GMDS: variants seen among roughly 807,000 people sequenced by gnomAD.
GMDS encodes the protein GDP-mannose 4,6 dehydratase.
Under a neutral mutation model 49.9 loss-of-function variants are expected in GMDS, and 20 were observed. That is an observed-to-expected ratio of 0.40 (90% confidence interval 0.28 to 0.58). The LOEUF is 0.58. Ranked by LOEUF, GMDS falls within the 20% of genes least tolerant of loss-of-function variation. GMDS has a pLI of 0.42. For synonymous variants in GMDS, 177 were observed against 178.6 expected (o/e 0.99, Z 0.07); for missense variants, 362 against 481.4 (o/e 0.75, Z 2.32).
At chr6:1,717,402 G>A (rs529658804) in intron 9 of GMDS, 1 of 152,372 alleles carries the variant, frequency 6.6e-6, no homozygotes, top group African/African-American at 2.4e-5. Flanking sequence ...ATAGCCTGAT[G>A]TCTTCCTTGG....
In GMDS at chr6:2,050,283, T is replaced by C. The variant is rs114900175; in HGVS notation, c.345+65488A>G. ...AATAAACTGGAACATGTAGAAGAAA[T>C]AGCATAAATTCCTGGACACATACAC... On this transcript the variant is annotated intron_variant, in intron 4 of 10. Coordinates refer to ENST00000380815, the MANE Select transcript of GMDS (RefSeq NM_001500.4). Among the ~76,000 whole-genome samples the C allele has an allele frequency of 2.1e-3, 322 of 152,052 alleles. 1 individual carries two copies. Among genetic ancestry groups the C allele is most frequent in the Non-Finnish European group, 3.7e-3 (253 of 67,974 alleles).
chr6:1,802,189 A>G (rs1024776409), intron 7 of GMDS, among the ~76,000 whole-genome samples: 1 of 152,242 alleles, frequency 6.6e-6, no homozygotes, highest in Non-Finnish European at 1.5e-5. Context: ...CAACAGAGGT[A>G]CAAGTCTTCA....
intron 1 of GMDS, among the ~76,000 whole-genome samples, chr6:2,148,698 G>C (rs1776696015): frequency 6.6e-6 from 1 of 152,214 alleles, no homozygotes; most frequent in Admixed American, 6.5e-5. Context: ...GGGATTACAG[G>C]CATGAACCAC....
At chr6:2,058,699 A>G (rs1161208933) in intron 4 of GMDS, among the ~76,000 whole-genome samples, 3 of 152,208 alleles carry the variant, frequency 2.0e-5, no homozygotes, top group Non-Finnish European at 4.4e-5. Flanking sequence ...GCAGAGATCA[A>G]CGGAGTCAAG....
chr6:1,885,924 G>A (rs1759581894), intron 7 of GMDS, among the ~76,000 whole-genome samples: 2 of 152,168 alleles, frequency 1.3e-5, no homozygotes, highest in African/African-American at 2.4e-5. Flanking sequence ...CAGACTGAGT[G>A]GTTCCCAGAC....
At chr6:2,133,281 G>A (rs1390229691) in intron 1 of GMDS, among the ~76,000 whole-genome samples, 5 of 152,298 alleles carry the variant, frequency 3.3e-5, no homozygotes, top group African/African-American at 1.2e-4. Flanking sequence ...GTTTCCTTGT[G>A]CATTTCTTTT....
At chr6:1,981,999 C>T (rs1303584877) in intron 4 of GMDS, among the ~76,000 whole-genome samples, 1 of 152,140 alleles carries the variant, frequency 6.6e-6, no homozygotes, top group African/African-American at 2.4e-5. Context: ...TCTCAGTAAA[C>T]TAGGTATTAA....
chr6:1,957,099 G>A (rs571204502), intron 6 of GMDS, among the ~76,000 whole-genome samples: 19 of 152,078 alleles, frequency 1.2e-4, no homozygotes, highest in East Asian at 5.8e-4. Context: ...CATCGCGCCC[G>A]GCCCATTTAT....
At chr6:1,993,555 T>C (rs746619720) in intron 4 of GMDS, among the ~76,000 whole-genome samples, 3 of 152,190 alleles carry the variant, frequency 2.0e-5, no homozygotes, top group Non-Finnish European at 4.4e-5. Flanking sequence ...TAAAAGATGA[T>C]CCTCAGGCAA....
intron 9 of GMDS, among the ~76,000 whole-genome samples, chr6:1,644,014 C>CCA (rs1478514521): frequency 2.6e-5 from 4 of 152,150 alleles, no homozygotes; most frequent in Non-Finnish European, 5.9e-5. Context: ...CCCGTTGTCC[C>CCA]CAGACACCTC....
intron 9 of GMDS, among the ~76,000 whole-genome samples, chr6:1,668,216 C>A (rs2113271294): frequency 6.6e-6 from 1 of 152,222 alleles, no homozygotes; most frequent in South Asian, 2.1e-4. Flanking sequence ...TATTCAGTTA[C>A]TTTGTGGCTG....
intron 4 of GMDS, among the ~76,000 whole-genome samples, chr6:2,012,993 A>G (rs1767652534): frequency 6.6e-6 from 1 of 152,186 alleles, no homozygotes; most frequent in Admixed American, 6.5e-5. Flanking sequence ...GGAAAAGCAG[A>G]CACTCAACTC....
chr6:2,065,182 T>G (rs558471487), intron 4 of GMDS, among the ~76,000 whole-genome samples: 383 of 152,124 alleles, frequency 2.5e-3, no homozygotes, highest in African/African-American at 5.4e-3. Context: ...TCACACAGCC[T>G]GGTACTCCAA....
chr6:1,986,486 A>G (rs1407962529), intron 4 of GMDS, among the ~76,000 whole-genome samples: 1 of 152,216 alleles, frequency 6.6e-6, no homozygotes, highest in African/African-American at 2.4e-5. Context: ...GAGGGCAGAA[A>G]ATATATTAAG....
At chr6:1,922,452 C>G (rs1182560787) in intron 7 of GMDS, among the ~76,000 whole-genome samples, 5 of 152,182 alleles carry the variant, frequency 3.3e-5, no homozygotes, top group Non-Finnish European at 7.3e-5. Context: ...CAGACAGGGG[C>G]AGGTCCCTGG....
At chr6:2,203,021 A>T (rs1779620808) in intron 1 of GMDS, among the ~76,000 whole-genome samples, 1 of 151,864 alleles carries the variant, frequency 6.6e-6, no homozygotes, top group Non-Finnish European at 1.5e-5. Context: ...GTTTCTAAGA[A>T]CCGTTCTTGG....
rs923792910 is a variant in GMDS, at chr6:1,766,300, G to A, written c.772-23714C>T. Among the ~76,000 whole-genome samples the A allele has an allele frequency of 6.6e-6, 1 of 152,082 alleles. No individual in the cohort carries two copies. Among genetic ancestry groups the A allele is most frequent in the Non-Finnish European group, 1.5e-5 (1 of 68,022 alleles). ...CAGGAGCAAAGACCACAGAACTTTCGAGGCAGCAGATTCATTTGGGCTTCA... is the reference window on the plus strand; with the variant it reads ...CAGGAGCAAAGACCACAGAACTTTCAAGGCAGCAGATTCATTTGGGCTTCA... On this transcript the variant is annotated intron_variant, in intron 7 of 10. Coordinates refer to ENST00000380815, the MANE Select transcript of GMDS (RefSeq NM_001500.4). The surrounding 1 kb of genome is among the most constrained non-coding windows in gnomAD (Gnocchi z 4.5).
intron 7 of GMDS, among the ~76,000 whole-genome samples, chr6:1,812,102 CAG>C (rs1429126912): frequency 6.6e-6 from 1 of 152,086 alleles, no homozygotes; most frequent in Non-Finnish European, 1.5e-5. Context: ...AGAAGTACCG[CAG>C]AGAGAGGAAT....
intron 7 of GMDS, among the ~76,000 whole-genome samples, chr6:1,856,813 G>A (rs1368473743): frequency 6.6e-6 from 1 of 152,148 alleles, no homozygotes; most frequent in African/African-American, 2.4e-5. Context: ...TTCCCTACAG[G>A]GCCATGTGGA....
Sources: allele counts gnomAD v4.1 joint callset (sites outside exome capture counted in the v4.1 genomes callset), GRCh38; gene constraint gnomAD v4.1.1; non-coding constraint Gnocchi (gnomAD v3.1); transcripts MANE v1.5; gene names NCBI Gene and HGNC (gene_info 2026-07-23, HGNC 2026-07-21).